Variants in DNAJC14 observed in about 807,000 individuals in gnomAD.
DNAJC14 encodes DnaJ heat shock protein family (Hsp40) member C14.
Under a neutral mutation model 68.8 loss-of-function variants are expected in DNAJC14, and 12 were observed. The observed-to-expected ratio is 0.17, with a 90% confidence interval of 0.11 to 0.28. The LOEUF (loss-of-function observed/expected upper bound fraction) is 0.28, where lower values mean the gene tolerates loss of function less well. DNAJC14 is among the 10% of genes least tolerant of loss of function. The probability of loss-of-function intolerance (pLI) is 1.00; values close to 1 mark genes in which losing one functional copy is unlikely to be tolerated. For missense variants in DNAJC14, 764 were observed against 875.6 expected (o/e 0.87, Z 1.61); for synonymous variants, 350 against 321.5 (o/e 1.09, Z -0.95).
In DNAJC14 at chr12:55,829,570, G is replaced by C; in HGVS notation, c.-138C>G. 1.0e-6 allele frequency: 1 copy of C among 985,162 alleles called. No individual in the cohort carries two copies. The highest frequency in any genetic ancestry group is 1.2e-6 in the Non-Finnish European group (1 of 829,900). The allele number at this position is 985,162 out of a possible 1,614,324, so 61.0% of individuals were successfully genotyped here. A position where few individuals can be genotyped will look rare whatever the true frequency, so the allele number is the denominator to read the frequency against. On this transcript the variant is annotated 5_prime_UTR_variant, in exon 1 of 7. Transcript: ENST00000678005. ...CTACGAGAGCCGCTCTCCCGGCTCC[G>C]CCTCCCGCTCACGCTCTGCTTCCGC...
intron 2 of DNAJC14, among the ~76,000 whole-genome samples, chr12:55,824,244 A>T (rs1368863430): frequency 6.6e-6 from 1 of 152,178 alleles, no homozygotes. Flanking sequence ...TGTATCAGTC[A>T]TAAAATAAGA....
intron 1 of DNAJC14, 26 bp downstream of exon 1, chr12:55,829,462 CG>C (rs146083363): frequency 1.0e-6 from 1 of 974,676 alleles, no homozygotes; most frequent in Non-Finnish European, 1.2e-6. Context: ...CAAAAAAAAA[CG>C]AAAAAAAAAA....
In DNAJC14 at chr12:55,827,771, C is replaced by A. The variant is rs747223451; in HGVS notation, c.888G>T (p.Gly296=). ...LFRVWMGVWT[G]RLGGWAQVMF... ...TGACCTGGGCCCAGCCCCCTAACCGCCCTGTCCACACTCCCATCCAAACTC... is the reference window on the plus strand; with the variant it reads ...TGACCTGGGCCCAGCCCCCTAACCGACCTGTCCACACTCCCATCCAAACTC... The change falls in exon 2 of 7, where the codon GGG becomes GGT. Residue 296 remains glycine, a synonymous_variant. Transcript: ENST00000678005. 6.2e-7 allele frequency: 1 copy of A among 1,614,000 alleles called. No individual in the cohort carries two copies. Among genetic ancestry groups the A allele is most frequent in the Non-Finnish European group, 8.5e-7 (1 of 1,179,916 alleles).
At chr12:55,822,973 C>T in intron 4 of DNAJC14, 97 bp downstream of exon 4, 1 of 1,545,674 alleles carries the variant, frequency 6.5e-7, no homozygotes, top group Non-Finnish European at 8.7e-7. Context: ...TTATGAGATA[C>T]AGATGTAACT....
In DNAJC14 at chr12:55,823,135, C is replaced by T. The variant is rs1880712872; in HGVS notation, c.1569G>A (p.Lys523=). The T allele has an allele frequency of 6.2e-7, 1 of 1,614,192 alleles. No individual in the cohort carries two copies. Among genetic ancestry groups the T allele is most frequent in the Non-Finnish European group, 8.5e-7 (1 of 1,180,046 alleles). Residue 523 remains lysine, a synonymous_variant, in exon 4 of 7, where the codon AAG becomes AAA. Transcript: ENST00000678005. ...TTGCCTCCTTGAGGTCATCTTGCAG[C>T]TTGGACAGAAACTCATTTACTGACC... ...LSRSVNEFLS[K]LQDDLKEAMN...
intron 1 of DNAJC14, 35 bp from the exon 2 acceptor site, chr12:55,828,749 TGA>T: frequency 6.8e-7 from 1 of 1,469,884 alleles, no homozygotes; most frequent in Non-Finnish European, 9.0e-7. Context: ...CAGTCAAGGA[TGA>T]GACCAAGAGA....
intron 2 of DNAJC14, among the ~76,000 whole-genome samples, chr12:55,826,598 G>A (rs953412572): frequency 6.6e-6 from 1 of 151,964 alleles, no homozygotes; most frequent in South Asian, 2.1e-4. Context: ...TCAGGAGATC[G>A]AGACCATCCT....
rs371359459 is a variant in DNAJC14 at position 55,827,488 on chromosome 12, C to G, written c.1171G>C (p.Val391Leu). The change falls in exon 2 of 7, where the codon GTA (valine) becomes CTA (leucine). Residue 391 changes from valine (V) to leucine (L), a missense_variant. By Grantham distance (32) the Val-to-Leu change is conservative (BLOSUM62 1). Coordinates refer to ENST00000678005, the MANE Select transcript of DNAJC14 (RefSeq NM_032364.6). ...LRDSRPWQRL[V>L]RIVQWGWLEL... is the part of the protein sequence containing the mutation. ...AGCCAGCCCCACTGAACTATTCTTA[C>G]CAGCCGCTGCCATGGCCTGCTATCT... is the stretch of plus-strand genomic sequence containing the variant. 6.2e-6 allele frequency: 10 copies of G among 1,602,946 alleles called. No homozygotes were observed. In the African/African-American group the frequency reaches 8.0e-5, roughly 13 times the overall value.
chr12:55,828,817 T>C, intron 1 of DNAJC14, 103 bp from the exon 2 acceptor site: 1 of 1,344,510 alleles, frequency 7.4e-7, no homozygotes, highest in Non-Finnish European at 9.7e-7. Flanking sequence ...TCCCTTGTTT[T>C]CCCAAGTTCT....
Position 55,821,830 on chromosome 12 carries a change from TG to T in DNAJC14, c.*146del. Reference sequence around the variant, plus strand: ...TGAGATCACACCACTGCACTCCAGCTGGGCAACAGAGCAAGACTCCATCTCA... The same window carrying T: ...TGAGATCACACCACTGCACTCCAGCTGGCAACAGAGCAAGACTCCATCTCA... On this transcript the variant is annotated 3_prime_UTR_variant, in exon 7 of 7. Coordinates refer to ENST00000678005, the MANE Select transcript of DNAJC14 (RefSeq NM_032364.6). The T allele has an allele frequency of 1.2e-6, 1 of 861,902 alleles. No homozygotes were observed. The highest frequency in any genetic ancestry group is 1.7e-6 in the Non-Finnish European group (1 of 588,460). 53.4% of individuals were successfully genotyped at this position (861,902 alleles called of 1,614,324 possible).
Position 55,822,474 on chromosome 12 carries a change from C to G in DNAJC14, c.1797G>C (p.Glu599Asp), listed in dbSNP as rs758193397. The G allele has an allele frequency of 6.2e-7, 1 of 1,614,042 alleles. No homozygotes were observed. Among genetic ancestry groups the G allele is most frequent in the South Asian group, 1.1e-5 (1 of 91,048 alleles). Residue 599 changes from glutamate (E) to aspartate (D), a missense_variant and splice_region_variant, in exon 6 of 7, where the codon GAG (glutamate) becomes GAC (aspartate). Around this residue, in one of 4 missense-constraint regions of DNAJC14, gnomAD observed 134 missense variants for 162.3 expected, o/e 0.83. Coordinates refer to ENST00000678005, the MANE Select transcript of DNAJC14 (RefSeq NM_032364.6). ...TACCTACACGCTGGCATCCAGCCCA[C>G]TCTATAAACATGAGAAATAATTAGC... ...LMDGKVYDIT[E>D]WAGCQRVGIS...
Position 55,821,815 on chromosome 12 carries a change from C to T in DNAJC14, c.*162G>A, listed in dbSNP as rs1435180819. On this transcript the variant is annotated 3_prime_UTR_variant, in exon 7 of 7. Coordinates refer to ENST00000678005, the MANE Select transcript of DNAJC14 (RefSeq NM_032364.6). The stretch of plus-strand genomic sequence containing the variant: ...GAGGTTGCAGTAAGCTGAGATCACA[C>T]CACTGCACTCCAGCTGGGCAACAGA... 1 of 702,430 alleles carries T rather than the reference C, an allele frequency of 1.4e-6. No individual in the cohort carries two copies. The highest frequency in any genetic ancestry group is 3.1e-5 in the East Asian group (1 of 32,366). 43.5% of individuals were successfully genotyped at this position (702,430 alleles called of 1,614,324 possible).
chr12:55,827,540 G>A lies in DNAJC14; in HGVS notation c.1119C>T (p.Ala373=). ...TWLFSWLDSP[A]LQRCLTLLRD... ...TCAGCAGAGTCAAGCAACGCTGCAA[G>A]GCTGGAGAATCCAGCCAAGAGAAGA... The change falls in exon 2 of 7, where the codon GCC becomes GCT. Residue 373 remains alanine, a synonymous_variant. Coordinates refer to ENST00000678005, the MANE Select transcript of DNAJC14 (RefSeq NM_032364.6). 1 of 1,606,424 alleles carries A rather than the reference G, an allele frequency of 6.2e-7. No homozygotes were observed. Among genetic ancestry groups the A allele is most frequent in the Non-Finnish European group, 8.5e-7 (1 of 1,173,524 alleles).
chr12:55,825,539 CCT>C (rs1314450588), intron 2 of DNAJC14, among the ~76,000 whole-genome samples: 1 of 131,384 alleles, frequency 7.6e-6, no homozygotes, highest in African/African-American at 2.6e-5. Context: ...ATCTGCACAC[CCT>C]CTTTTTTTTT....
upstream of DNAJC14, chr12:55,829,657 G>A (rs1880919511): frequency 7.3e-6 from 7 of 965,058 alleles, no homozygotes; most frequent in Non-Finnish European, 7.4e-6. Flanking sequence ...CACCAGGGAA[G>A]AGACGGGAAG....
Position 55,828,342 on chromosome 12 carries a change from T to A in DNAJC14, c.317A>T (p.Glu106Val). ...SSEEESGVDQELSKENETGNQ... is the reference protein window; with the variant it reads ...SSEEESGVDQVLSKENETGNQ... ...CCCAGTCTCGTTTTCTTTTGAGAGT[T>A]CCTGGTCCACTCCTGATTCTTCTTC... Residue 106 changes from glutamate to valine, a missense_variant, in exon 2 of 7, where the codon GAA becomes GTA. Physicochemically the swap from Glu to Val is moderately radical, Grantham distance 121. This residue lies in a region of DNAJC14 where 514 missense variants were observed against 521.7 expected (regional missense o/e 0.99). Transcript: ENST00000678005. 1 of 1,614,006 alleles carries A rather than the reference T, an allele frequency of 6.2e-7. No individual in the cohort carries two copies. Among genetic ancestry groups the A allele is most frequent in the Non-Finnish European group, 8.5e-7 (1 of 1,180,000 alleles).
Position 55,827,824 on chromosome 12 carries a change from G to A in DNAJC14, c.835C>T (p.Leu279=). 1 of 1,614,002 alleles carries A rather than the reference G, an allele frequency of 6.2e-7. No individual in the cohort carries two copies. Among genetic ancestry groups the A allele is most frequent in the Non-Finnish European group, 8.5e-7 (1 of 1,179,892 alleles). ...CGHLIYACRQ[L]KSSDLDLFRV... is the part of the protein sequence containing the mutation. ...AAAAGGTCCAAATCACTGCTTTTCAGTTGCCTGCAGGCATAGATGAGATGG... is the reference window on the plus strand; with the variant it reads ...AAAAGGTCCAAATCACTGCTTTTCAATTGCCTGCAGGCATAGATGAGATGG... Residue 279 remains leucine, a synonymous_variant, in exon 2 of 7, where the codon CTG becomes TTG. Coordinates refer to ENST00000678005, the MANE Select transcript of DNAJC14 (RefSeq NM_032364.6).
Position 55,828,092 on chromosome 12 carries a change from T to G in DNAJC14, c.567A>C (p.Gly189=), listed in dbSNP as rs907323070. 2 of 1,600,624 alleles carry G rather than the reference T, an allele frequency of 1.2e-6. No homozygotes were observed. Among genetic ancestry groups the G allele is most frequent in the Non-Finnish European group, 1.7e-6 (2 of 1,173,626 alleles). ...FPSDFSRVSS[G]KKPPSRRQRH... is the part of the protein sequence containing the mutation. ...GCTGTCTCCGGGATGGGGGTTTCTT[T>G]CCGCTGGACACACGTGAAAAATCAC... Residue 189 remains glycine, a synonymous_variant, in exon 2 of 7, where the codon GGA becomes GGC. Transcript: ENST00000678005.
rs1880845766 is a variant in DNAJC14 at position 55,827,932 on chromosome 12, C to A, written c.727G>T (p.Glu243Ter). The A allele has an allele frequency of 1.2e-6, 2 of 1,606,694 alleles. No individual in the cohort carries two copies. The highest frequency in any genetic ancestry group is 2.2e-5 in the South Asian group (2 of 90,442). Reference sequence around the variant, plus strand: ...CCTGCCTGTCCAAGTTGACATAGTTCCTCGGCTCCCCACAATCCCAGGCCT... The same window carrying A: ...CCTGCCTGTCCAAGTTGACATAGTTACTCGGCTCCCCACAATCCCAGGCCT... ...RKGLGLWGAE[E>*]LCQLGQAGFW... The change falls in exon 2 of 7, where the codon GAA becomes TAA. Residue 243 changes from glutamate to a stop codon, truncating the protein, a stop_gained. Transcript: ENST00000678005. LOFTEE classifies it high-confidence loss of function.
Sources: allele counts gnomAD v4.1 joint callset (sites outside exome capture counted in the v4.1 genomes callset), GRCh38; gene constraint gnomAD v4.1.1; regional missense constraint gnomAD v4.1.1; transcripts MANE v1.5; gene names NCBI Gene and HGNC (gene_info 2026-07-23, HGNC 2026-07-21).